BANK1: variants seen among roughly 807,000 people sequenced by gnomAD.
BANK1 encodes B-cell scaffold protein with ankyrin repeats.
BANK1 carries 95 observed loss-of-function variants against 94.5 expected under a neutral mutation model. That is an observed-to-expected ratio of 1.00 (90% CI 0.85 to 1.19). BANK1 has a LOEUF of 1.19. BANK1 is among the 50% of genes most tolerant of loss of function. BANK1 has a pLI of 0.00. For synonymous variants in BANK1, 334 were observed against 308.4 expected, an observed-to-expected ratio of 1.08 and a Z score of -0.87; for missense variants, 987 against 932.2, an observed-to-expected ratio of 1.06 and a Z score of -0.77.
intron 1 of BANK1, among the ~76,000 whole-genome samples, chr4:101,802,888 G>A (rs181269022): frequency 6.6e-6 from 1 of 152,262 alleles, no homozygotes; most frequent in African/African-American, 2.4e-5. Flanking sequence ...CCTGAAATAT[G>A]TGGACACAGA....
chr4:102,071,177 A>G, intron 13 of BANK1, 98 bp from the exon 14 acceptor site: 2 of 1,362,824 alleles, frequency 1.5e-6, no homozygotes, highest in South Asian at 1.2e-5. Context: ...AGCAACCTCA[A>G]AGACAAGAAG....
chr4:101,852,246 A>T (rs752493686), intron 2 of BANK1, among the ~76,000 whole-genome samples: 7 of 151,808 alleles, frequency 4.6e-5, no homozygotes, highest in Admixed American at 1.3e-4. Context: ...AGGAAAATAG[A>T]TACATGTTCT....
At chr4:101,965,354 A>G (rs940068081) in intron 7 of BANK1, among the ~76,000 whole-genome samples, 3 of 150,718 alleles carry the variant, frequency 2.0e-5, no homozygotes, top group African/African-American at 7.3e-5. Flanking sequence ...AAAAAAAAAC[A>G]GTGACACAAA....
chr4:102,026,630 A>C (rs1578464503), intron 9 of BANK1, among the ~76,000 whole-genome samples: 1 of 152,062 alleles, frequency 6.6e-6, no homozygotes, highest in Admixed American at 6.5e-5. Context: ...GGAGTTCGAG[A>C]CCAGTCTGAC....
intron 7 of BANK1, among the ~76,000 whole-genome samples, chr4:102,018,608 A>C (rs1456993325): frequency 6.6e-6 from 1 of 152,220 alleles, no homozygotes; most frequent in African/African-American, 2.4e-5. Context: ...TTATTACATT[A>C]AACATTCTGT....
chr4:101,927,295 TG>T (rs1413469140), intron 7 of BANK1, among the ~76,000 whole-genome samples: 1 of 151,572 alleles, frequency 6.6e-6, no homozygotes, highest in African/African-American at 2.4e-5. Context: ...AAGAACAGCA[TG>T]GGGGAAAACT....
At chr4:102,027,532 T>C (rs2148949430) in intron 9 of BANK1, among the ~76,000 whole-genome samples, 1 of 152,322 alleles carries the variant, frequency 6.6e-6, no homozygotes, top group East Asian at 1.9e-4. Context: ...AAAAATGTTT[T>C]ATTGGCCTTT....
At chr4:102,050,773 A>T (rs1327650086) in intron 11 of BANK1, among the ~76,000 whole-genome samples, 3 of 151,922 alleles carry the variant, frequency 2.0e-5, no homozygotes, top group African/African-American at 7.3e-5. Flanking sequence ...TAATTCTATC[A>T]AAAGTGAGTA....
At chr4:102,019,775 G>A (rs1342448864) in intron 7 of BANK1, among the ~76,000 whole-genome samples, 1 of 150,146 alleles carries the variant, frequency 6.7e-6, no homozygotes, top group Admixed American at 6.6e-5. Flanking sequence ...AGAAGCATTG[G>A]TTTTTTAGCA....
chr4:101,834,387 A>G (rs1049263329), intron 2 of BANK1, among the ~76,000 whole-genome samples: 1 of 152,208 alleles, frequency 6.6e-6, no homozygotes, highest in Admixed American at 6.5e-5. Flanking sequence ...GTGTTCAAAT[A>G]TAGTGCATTT....
At chr4:102,057,241 GCT>G (rs904468077) in intron 11 of BANK1, among the ~76,000 whole-genome samples, 75 of 140,932 alleles carry the variant, frequency 5.3e-4, no homozygotes, top group African/African-American at 1.9e-3. Flanking sequence ...TCTCTCTCTT[GCT>G]CTCTCTCTCT....
chr4:101,859,676 A>G (rs1330599399), intron 3 of BANK1, among the ~76,000 whole-genome samples: 1 of 152,190 alleles, frequency 6.6e-6, no homozygotes, highest in Non-Finnish European at 1.5e-5. Context: ...GAGTTGAGGA[A>G]GCTTTGAGTA....
chr4:101,826,734 C>A (rs1383840198), intron 1 of BANK1, among the ~76,000 whole-genome samples: 1 of 151,828 alleles, frequency 6.6e-6, no homozygotes, highest in African/African-American at 2.4e-5. Context: ...CGTGTGATTC[C>A]CATATGTTTT....
intron 7 of BANK1, among the ~76,000 whole-genome samples, chr4:101,923,562 G>A (rs1228739680): frequency 1.3e-5 from 2 of 151,822 alleles, no homozygotes; most frequent in African/African-American, 2.4e-5. Context: ...TCCCCATCAG[G>A]AAAGGTTCTT....
At chr4:101,880,161 G>A (rs971961549) in intron 5 of BANK1, among the ~76,000 whole-genome samples, 11 of 151,864 alleles carry the variant, frequency 7.2e-5, no homozygotes, top group Admixed American at 1.3e-4. Context: ...CCTTGTTTGC[G>A]GATGAAATAA....
intron 5 of BANK1, 128 bp downstream of exon 5, chr4:101,870,772 G>C (rs1179584003): frequency 9.0e-7 from 1 of 1,109,304 alleles, no homozygotes; most frequent in Non-Finnish European, 1.2e-6. Flanking sequence ...CAATCAATAG[G>C]AAGGGAAGAG....
chr4:101,873,782 C>T (rs781320393), intron 5 of BANK1, among the ~76,000 whole-genome samples: 2 of 151,972 alleles, frequency 1.3e-5, no homozygotes, highest in Non-Finnish European at 2.9e-5. Flanking sequence ...GAAAGAAATC[C>T]AAAGCCCAGT....
intron 2 of BANK1, among the ~76,000 whole-genome samples, chr4:101,830,903 G>A (rs1213611132): frequency 1.3e-5 from 2 of 152,124 alleles, no homozygotes; most frequent in African/African-American, 2.4e-5. Flanking sequence ...GGCCACACCA[G>A]ATTAAAAGTT....
intron 9 of BANK1, among the ~76,000 whole-genome samples, chr4:102,027,450 A>G (rs1727142016): frequency 6.6e-6 from 1 of 152,194 alleles, no homozygotes; most frequent in Non-Finnish European, 1.5e-5. Flanking sequence ...TACATTTTAT[A>G]TTCAGTGTTA....
Sources: gnomAD v4.1 joint callset for allele counts (sites outside exome capture counted in the v4.1 genomes callset) on GRCh38, gnomAD v4.1.1 for gene constraint, MANE v1.5 for transcripts, NCBI Gene and HGNC (gene_info 2026-07-23, HGNC 2026-07-21) for gene names.